HEMK2: variants seen among roughly 807,000 people sequenced by gnomAD.
HEMK2 encodes methyltransferase HEMK2.
At chr21:28,593,735 T>C in the HEMK2 span, among the ~76,000 whole-genome samples, 2 of 152,234 alleles carry the variant, frequency 1.3e-5, no homozygotes, top group African/African-American at 4.8e-5. Flanking sequence ...ACAGTAGTAT[T>C]GGGTTATAAC....
At chr21:28,880,781 A>C in the HEMK2 span, among the ~76,000 whole-genome samples, 1 of 152,036 alleles carries the variant, frequency 6.6e-6, no homozygotes, top group African/African-American at 2.4e-5. Flanking sequence ...TAAATAAAAA[A>C]AAAAATCACC....
chr21:28,749,069 C>A, the HEMK2 span, among the ~76,000 whole-genome samples: 1 of 152,152 alleles, frequency 6.6e-6, no homozygotes. Flanking sequence ...TGGTGAGCTG[C>A]ATTCTGCTGT....
chr21:28,851,898 G>C, the HEMK2 span, among the ~76,000 whole-genome samples: 1 of 152,196 alleles, frequency 6.6e-6, no homozygotes, highest in Non-Finnish European at 1.5e-5. Flanking sequence ...CAGGAATGGA[G>C]AAAAAGTTAT....
the HEMK2 span, among the ~76,000 whole-genome samples, chr21:28,795,917 G>T: frequency 6.6e-6 from 1 of 152,168 alleles, no homozygotes; most frequent in Non-Finnish European, 1.5e-5. Context: ...AAAATGATCA[G>T]CAGTTTGACT....
the HEMK2 span, among the ~76,000 whole-genome samples, chr21:28,758,522 T>C: frequency 3.6e-4 from 55 of 152,088 alleles, no homozygotes; most frequent in Non-Finnish European, 7.1e-4. Flanking sequence ...CGTGTGGCAG[T>C]GAGGAGCTCA....
the HEMK2 span, among the ~76,000 whole-genome samples, chr21:28,750,572 A>G: frequency 6.6e-6 from 1 of 151,970 alleles, no homozygotes; most frequent in Non-Finnish European, 1.5e-5. Context: ...GTGGTGATAC[A>G]CACCTGTAAT....
At chr21:28,718,474 T>C in the HEMK2 span, among the ~76,000 whole-genome samples, 1 of 152,220 alleles carries the variant, frequency 6.6e-6, no homozygotes, top group African/African-American at 2.4e-5. Context: ...CAGAAATTCT[T>C]TGTTAGTTTT....
chr21:28,691,245 A>G, the HEMK2 span, among the ~76,000 whole-genome samples: 2 of 98,864 alleles, frequency 2.0e-5, no homozygotes, highest in African/African-American at 1.5e-4. Context: ...GACAGTTCAT[A>G]TGAGAGAGGG....
At chr21:28,752,623 G>T in the HEMK2 span, among the ~76,000 whole-genome samples, 1 of 152,266 alleles carries the variant, frequency 6.6e-6, no homozygotes, top group African/African-American at 2.4e-5. Flanking sequence ...CACACACAGC[G>T]AACAGAGCCC....
At chr21:28,688,667 A>G in the HEMK2 span, among the ~76,000 whole-genome samples, 1 of 152,162 alleles carries the variant, frequency 6.6e-6, no homozygotes. Context: ...GAGCTGAGAG[A>G]AGAATTCAGA....
chr21:28,667,415 G>A, the HEMK2 span, among the ~76,000 whole-genome samples: 1 of 152,112 alleles, frequency 6.6e-6, no homozygotes, highest in East Asian at 1.9e-4. Context: ...GAGAATGGGG[G>A]AAAGAGAGAA....
chr21:28,754,014 T>C, the HEMK2 span, among the ~76,000 whole-genome samples: 2 of 152,348 alleles, frequency 1.3e-5, no homozygotes, highest in African/African-American at 4.8e-5. Context: ...GAAGGAACTT[T>C]CTAAGATCAT....
the HEMK2 span, among the ~76,000 whole-genome samples, chr21:28,591,739 C>T: frequency 6.6e-6 from 1 of 152,026 alleles, no homozygotes; most frequent in African/African-American, 2.4e-5. Flanking sequence ...GTCTGTTGTT[C>T]CCCTATATTT....
At chr21:28,641,542 GA>G in the HEMK2 span, among the ~76,000 whole-genome samples, 1 of 152,164 alleles carries the variant, frequency 6.6e-6, no homozygotes, top group East Asian at 1.9e-4. Context: ...CATCTCAAAA[GA>G]GACAATGATG....
At chr21:28,680,555 G>A in the HEMK2 span, among the ~76,000 whole-genome samples, 10 of 152,104 alleles carry the variant, frequency 6.6e-5, no homozygotes, top group African/African-American at 2.4e-4. Flanking sequence ...ATTTTATGAG[G>A]CCAGCATCAT....
the HEMK2 span, among the ~76,000 whole-genome samples, chr21:28,617,874 G>A: frequency 6.6e-6 from 1 of 151,132 alleles, no homozygotes; most frequent in African/African-American, 2.4e-5. Flanking sequence ...CTGCAGCCTC[G>A]ACTTCCTAGG....
chr21:28,763,437 T>G, the HEMK2 span, among the ~76,000 whole-genome samples: 1 of 151,994 alleles, frequency 6.6e-6, no homozygotes, highest in Non-Finnish European at 1.5e-5. Flanking sequence ...AATCAGCTCT[T>G]GCGTGAACTC....
chr21:28,587,522 A>G, the HEMK2 span, among the ~76,000 whole-genome samples: 1 of 152,222 alleles, frequency 6.6e-6, no homozygotes, highest in East Asian at 1.9e-4. Flanking sequence ...AAACTAATTT[A>G]CTACATGGGT....
the HEMK2 span, among the ~76,000 whole-genome samples, chr21:28,596,052 A>AT: frequency 3.3e-5 from 4 of 120,692 alleles, no homozygotes; most frequent in African/African-American, 9.7e-5. Flanking sequence ...CCAATATTTT[A>AT]TTTTTTTTGA....
Sources: allele counts gnomAD v4.1 joint callset (sites outside exome capture counted in the v4.1 genomes callset), GRCh38; gene constraint gnomAD v4.1.1; transcripts MANE v1.5; gene names NCBI Gene and HGNC (gene_info 2026-07-23, HGNC 2026-07-21).